Variants in SNX14 observed in about 807,000 individuals in gnomAD.
SNX14 encodes the protein sorting nexin-14.
In SNX14, 93 loss-of-function variants were observed where a neutral mutation model predicts 133.8. The ratio of observed to expected loss-of-function variants is 0.70; its 90% confidence interval spans 0.59 to 0.83. The LOEUF (loss-of-function observed/expected upper bound fraction) is 0.83. Among genes scored for constraint, SNX14 ranks in the 40% least tolerant of loss-of-function variants. The probability of loss-of-function intolerance (pLI) is 0.00; values close to 1 mark genes in which losing one functional copy is unlikely to be tolerated. For missense variants in SNX14, 945 were observed against 1,094.9 expected (o/e 0.86, Z 1.93); for synonymous variants, 368 against 365.6 (o/e 1.01, Z -0.07).
At chr6:85,529,061 A>C (rs1172879683) in intron 19 of SNX14, among the ~76,000 whole-genome samples, 2 of 151,716 alleles carry the variant, frequency 1.3e-5, no homozygotes, top group East Asian at 3.9e-4. Flanking sequence ...AGAAAAAAAA[A>C]AAAAAGGCCA....
At chr6:85,567,639 T>A (rs1794295135) in intron 4 of SNX14, 62 bp from the exon 5 acceptor site, 6 of 1,114,298 alleles carry the variant, frequency 5.4e-6, no homozygotes, top group Middle Eastern at 2.8e-4. Context: ...AAATAAATGG[T>A]ACCATTTGGG....
chr6:85,549,530 C>A (rs1331046184), intron 8 of SNX14, among the ~76,000 whole-genome samples, 193 bp downstream of exon 8: 1 of 152,022 alleles, frequency 6.6e-6, no homozygotes, highest in Non-Finnish European at 1.5e-5. Context: ...CAACACACCA[C>A]AAATAGCACT....
chr6:85,514,766 T>C, intron 23 of SNX14, 137 bp from the exon 24 acceptor site: 1 of 731,682 alleles, frequency 1.4e-6, no homozygotes. Flanking sequence ...TAGGTTAATA[T>C]ATGCTTCTAA....
At chr6:85,574,138 A>AG (rs1796568810) in intron 2 of SNX14, 120 bp downstream of exon 2, 3 of 767,820 alleles carry the variant, frequency 3.9e-6, no homozygotes, top group Admixed American at 3.2e-5. Flanking sequence ...AAAAGAGAAG[A>AG]AATTGAAAGA....
intron 5 of SNX14, among the ~76,000 whole-genome samples, chr6:85,566,474 G>C (rs1342168285): frequency 3.3e-5 from 5 of 152,084 alleles, no homozygotes; most frequent in Admixed American, 1.3e-4. Flanking sequence ...GAGGTGGGTG[G>C]ATCACTTGAA....
At chr6:85,564,456 T>C (rs1052832927) in intron 6 of SNX14, among the ~76,000 whole-genome samples, 13 of 152,342 alleles carry the variant, frequency 8.5e-5, no homozygotes, top group African/African-American at 2.9e-4. Flanking sequence ...TTTTTAATAA[T>C]TGCCATTCTA....
chr6:85,537,129 T>C (rs1176191705), intron 16 of SNX14: 5 of 412,076 alleles, frequency 1.2e-5, no homozygotes, highest in Non-Finnish European at 2.1e-5. Context: ...AAGTTTAAAT[T>C]TGGTGGATGA....
At chr6:85,516,630 A>ACCTT (rs1330740524) in intron 23 of SNX14, among the ~76,000 whole-genome samples, 3 of 146,142 alleles carry the variant, frequency 2.1e-5, no homozygotes, top group African/African-American at 8.0e-5. Flanking sequence ...AACTTCCTTA[A>ACCTT]TCTTTTTTTT....
intron 1 of SNX14, among the ~76,000 whole-genome samples, chr6:85,582,934 C>T (rs562726312): frequency 1.3e-5 from 2 of 152,280 alleles, no homozygotes; most frequent in African/African-American, 4.8e-5. Flanking sequence ...AGTCCAGCAT[C>T]ATCCTGACAC....
In SNX14 at chr6:85,547,187, C is replaced by G; in HGVS notation, c.1033G>C (p.Asp345His). The G allele has an allele frequency of 6.2e-7, 1 of 1,613,978 alleles. No individual in the cohort carries two copies. The highest frequency in any genetic ancestry group is 8.5e-7 in the Non-Finnish European group (1 of 1,179,922). The change falls in exon 12 of 29, where the codon GAT (aspartate) becomes CAT (histidine). Residue 345 changes from aspartate (D) to histidine (H), a missense_variant. By Grantham distance (81) the Asp-to-His change is moderately conservative (BLOSUM62 -1). This residue lies in a region of SNX14 where 514 missense variants were observed against 538.8 expected (regional missense o/e 0.95). Transcript: ENST00000314673. ...LELKQIREQQ[D>H]LLFRFMNFLK... Reference sequence around the variant, plus strand: ...AAGTTCATAAAACGAAATAAAAGATCTTGTTGCTCTCTGATTTGCTTCAAT... The same window carrying G: ...AAGTTCATAAAACGAAATAAAAGATGTTGTTGCTCTCTGATTTGCTTCAAT...
At chr6:85,516,835 A>G (rs1775220866) in intron 23 of SNX14, among the ~76,000 whole-genome samples, 1 of 152,020 alleles carries the variant, frequency 6.6e-6, no homozygotes, top group Non-Finnish European at 1.5e-5. Context: ...GCAGGGTTTC[A>G]CCAAGGTGGC....
At chr6:85,527,915 A>G (rs1779011612) in intron 20 of SNX14, among the ~76,000 whole-genome samples, 1 of 152,160 alleles carries the variant, frequency 6.6e-6, no homozygotes, top group South Asian at 2.1e-4. Flanking sequence ...AACAAACAGT[A>G]ACAAATATTC....
rs11381633 is a variant in SNX14 at position 85,509,336 on chromosome 6, TA to T, written c.2654-1278del. Among the ~76,000 whole-genome samples, 17 of 151,684 alleles carry T rather than the reference TA, an allele frequency of 1.1e-4. No homozygotes were observed. In the East Asian group the frequency reaches 2.1e-3, roughly 19 times the overall value. On this transcript the variant is annotated intron_variant, in intron 26 of 28. Transcript: ENST00000314673. Reference sequence around the variant, plus strand: ...AAGGGTCATTATATCAGAAAACAGGTAAAAAAAAATTATTTCATCATTTGCC... The same window carrying T: ...AAGGGTCATTATATCAGAAAACAGGTAAAAAAAATTATTTCATCATTTGCC...
chr6:85,522,122 A>G (rs1194999281), intron 21 of SNX14, among the ~76,000 whole-genome samples: 2 of 152,138 alleles, frequency 1.3e-5, no homozygotes, highest in Non-Finnish European at 2.9e-5. Context: ...AGTCTACTTA[A>G]ATGTGGCTAC....
intron 1 of SNX14, among the ~76,000 whole-genome samples, chr6:85,582,200 C>T (rs116298967): frequency 6.6e-6 from 1 of 152,172 alleles, no homozygotes; most frequent in African/African-American, 2.4e-5. Flanking sequence ...ATATAAAGTG[C>T]ATGACATATT....
At chr6:85,546,829 C>T (rs1785676185) in intron 12 of SNX14, among the ~76,000 whole-genome samples, 1 of 151,984 alleles carries the variant, frequency 6.6e-6, no homozygotes, top group Non-Finnish European at 1.5e-5. Context: ...GGGGTGCTGG[C>T]ACATGCCTGT....
At chr6:85,536,655 GAAGT>G in intron 17 of SNX14, 133 bp downstream of exon 17, 1 of 721,156 alleles carries the variant, frequency 1.4e-6, no homozygotes, top group Non-Finnish European at 2.1e-6. Flanking sequence ...AAGGAAGTCT[GAAGT>G]AAGAAGATAA....
At chr6:85,535,599 C>T (rs1377852489) in intron 17 of SNX14, among the ~76,000 whole-genome samples, 7 of 100,298 alleles carry the variant, frequency 7.0e-5, no homozygotes, top group African/African-American at 2.0e-4. Flanking sequence ...AGCAAGACTC[C>T]GTCTCAAAAA....
At chr6:85,577,482 A>C (rs2128213091) in intron 1 of SNX14, among the ~76,000 whole-genome samples, 1 of 152,168 alleles carries the variant, frequency 6.6e-6, no homozygotes, top group South Asian at 2.1e-4. Context: ...TGGGCATGTT[A>C]AGTTTCAGAT....
Sources: allele counts gnomAD v4.1 joint callset (sites outside exome capture counted in the v4.1 genomes callset), GRCh38; gene constraint gnomAD v4.1.1; regional missense constraint gnomAD v4.1.1; transcripts MANE v1.5; gene names NCBI Gene and HGNC (gene_info 2026-07-23, HGNC 2026-07-21).